The following ARHGEF26 variants were observed in gnomAD, a reference collection of about 807,000 sequenced individuals.
ARHGEF26 encodes Rho guanine nucleotide exchange factor (GEF) 26.
Under a neutral mutation model 89.4 loss-of-function variants are expected in ARHGEF26, and 59 were observed. The observed-to-expected ratio is 0.66, with a 90% confidence interval of 0.54 to 0.82. The LOEUF is 0.82. ARHGEF26 is among the 40% of genes least tolerant of loss of function. The probability of loss-of-function intolerance (pLI) is 0.00; values close to 1 mark genes in which losing one functional copy is unlikely to be tolerated. For missense variants in ARHGEF26, 1,234 were observed against 1,085.6 expected, an observed-to-expected ratio of 1.14 and a Z score of -1.92; for synonymous variants, 500 against 428.4, an observed-to-expected ratio of 1.17 and a Z score of -2.06.
chr3:154,194,530 G>A (rs555613333), intron 8 of ARHGEF26, 114 bp from the exon 9 acceptor site: 59 of 718,628 alleles, frequency 8.2e-5, no homozygotes, highest in South Asian at 8.0e-4. Flanking sequence ...ATACTCATCC[G>A]TAATATCGTG....
rs1718563537 is a variant in ARHGEF26, at chr3:154,256,976, C to CTAT, written c.*1505_*1507dup. On this transcript the variant is annotated 3_prime_UTR_variant, in exon 15 of 15. Coordinates refer to ENST00000465093, the MANE Select transcript of ARHGEF26 (RefSeq NM_015595.4). ...CTGGCAGCTATATTCCCTCTCTGTTCTATTTGCTTTAACAAAGGGATAAAA... is the reference window on the plus strand; with the variant it reads ...CTGGCAGCTATATTCCCTCTCTGTTCTATTATTTGCTTTAACAAAGGGATAAAA... 2 of 1,524,346 alleles carry CTAT rather than the reference C, an allele frequency of 1.3e-6. No individual in the cohort carries two copies. Among genetic ancestry groups the CTAT allele is most frequent in the Non-Finnish European group, 1.8e-6 (2 of 1,142,280 alleles). The allele number at this position is 1,524,346 out of a possible 1,614,324, so 94.4% of individuals were successfully genotyped here.
chr3:154,179,465 T>C (rs1713046823), intron 6 of ARHGEF26, among the ~76,000 whole-genome samples: 1 of 152,228 alleles, frequency 6.6e-6, no homozygotes, highest in African/African-American at 2.4e-5. Context: ...CCATTGCTGC[T>C]CCACAGTTGT....
intron 6 of ARHGEF26, among the ~76,000 whole-genome samples, chr3:154,175,646 TTTTTGTTTCAAAGACCAC>T (rs1308010136): frequency 1.3e-5 from 2 of 152,220 alleles, no homozygotes; most frequent in South Asian, 2.1e-4. Context: ...CTACAAATGA[TTTTTGTTTCAAAGACCAC>T]TTTTGTTTCA....
At chr3:154,242,835 C>A (rs1717552032) in intron 12 of ARHGEF26, among the ~76,000 whole-genome samples, 1 of 151,974 alleles carries the variant, frequency 6.6e-6, no homozygotes, top group Non-Finnish European at 1.5e-5. Context: ...AAAAAGGGAG[C>A]TTCATCTTCA....
intron 6 of ARHGEF26, among the ~76,000 whole-genome samples, chr3:154,176,812 A>C (rs1217440573): frequency 6.6e-6 from 1 of 152,124 alleles, no homozygotes; most frequent in African/African-American, 2.4e-5. Flanking sequence ...AAAAATACAT[A>C]TATATATCTT....
At chr3:154,198,124 G>A (rs757358349) in intron 9 of ARHGEF26, among the ~76,000 whole-genome samples, 8 of 151,962 alleles carry the variant, frequency 5.3e-5, no homozygotes, top group South Asian at 2.1e-4. Flanking sequence ...GCCAACAAAC[G>A]TGAAAAAATG....
At chr3:154,135,379 G>A (rs529624572) in intron 4 of ARHGEF26, among the ~76,000 whole-genome samples, 6 of 152,184 alleles carry the variant, frequency 3.9e-5, no homozygotes, top group South Asian at 4.1e-4. Flanking sequence ...TATTCATAAT[G>A]TTTTCTGATG....
intron 4 of ARHGEF26, among the ~76,000 whole-genome samples, chr3:154,140,553 C>T (rs1719297652): frequency 6.7e-6 from 1 of 150,334 alleles, no homozygotes; most frequent in Non-Finnish European, 1.5e-5. Context: ...TTGTCTTTTT[C>T]CTGAAAGCTC....
intron 6 of ARHGEF26, among the ~76,000 whole-genome samples, chr3:154,158,720 T>G (rs1711508675): frequency 6.6e-6 from 1 of 152,170 alleles, no homozygotes; most frequent in Non-Finnish European, 1.5e-5. Context: ...ATCTTTCAAT[T>G]AGAAATGAAT....
chr3:154,185,412 C>G (rs1241731251), intron 6 of ARHGEF26, among the ~76,000 whole-genome samples: 1 of 152,082 alleles, frequency 6.6e-6, no homozygotes, highest in Non-Finnish European at 1.5e-5. Context: ...CAATCCACCC[C>G]TATTTCAGGC....
intron 11 of ARHGEF26, among the ~76,000 whole-genome samples, chr3:154,240,066 C>A (rs973024489): frequency 2.6e-5 from 4 of 152,068 alleles, no homozygotes; most frequent in African/African-American, 9.7e-5. Context: ...TGGAGCATGA[C>A]CAAGATGCAT....
intron 9 of ARHGEF26, among the ~76,000 whole-genome samples, chr3:154,210,238 C>T (rs1226080684): frequency 6.6e-6 from 1 of 152,090 alleles, no homozygotes; most frequent in African/African-American, 2.4e-5. Flanking sequence ...GGTGTTCTAC[C>T]TTCCTGTGAC....
chr3:154,170,001 T>C (rs1358275090), intron 6 of ARHGEF26, among the ~76,000 whole-genome samples: 2 of 152,130 alleles, frequency 1.3e-5, no homozygotes, highest in African/African-American at 4.8e-5. Context: ...CAGTTCTAGC[T>C]ATGTTTTATT....
chr3:154,187,559 T>G, intron 6 of ARHGEF26, 126 bp from the exon 7 acceptor site: 1 of 665,784 alleles, frequency 1.5e-6, no homozygotes, highest in Non-Finnish European at 2.3e-6. Flanking sequence ...TTAAAAATAT[T>G]TTTTAGTTGG....
intron 6 of ARHGEF26, chr3:154,187,160 G>A: frequency 1.1e-6 from 1 of 927,252 alleles, no homozygotes; most frequent in Non-Finnish European, 1.3e-6. Flanking sequence ...AGAGTGCTGG[G>A]ATTACACATG....
At chr3:154,181,677 A>G (rs1185606427) in intron 6 of ARHGEF26, among the ~76,000 whole-genome samples, 2 of 152,140 alleles carry the variant, frequency 1.3e-5, no homozygotes, top group Admixed American at 1.3e-4. Context: ...GAAGAAACTC[A>G]GATTGGACTG....
intron 9 of ARHGEF26, among the ~76,000 whole-genome samples, chr3:154,204,894 T>A (rs1301963814): frequency 6.6e-6 from 1 of 152,220 alleles, no homozygotes; most frequent in Non-Finnish European, 1.5e-5. Context: ...TGATATTACT[T>A]CAGAATTTTT....
intron 9 of ARHGEF26, among the ~76,000 whole-genome samples, chr3:154,215,966 A>G (rs188182569): frequency 1.0e-3 from 156 of 152,322 alleles, no homozygotes; most frequent in Middle Eastern, 3.4e-3. Flanking sequence ...TTTCCAAAAA[A>G]GAAAAATTTC....
Position 154,189,833 on chromosome 3 carries a change from G to GTT in ARHGEF26, c.1641-1445_1641-1444dup, listed in dbSNP as rs11456094. Among the ~76,000 whole-genome samples the GTT allele has an allele frequency of 1.3e-4, 19 of 144,310 alleles. No individual in the cohort carries two copies. In the South Asian group the frequency reaches 1.3e-3, roughly 10 times the overall value. 94.7% of individuals were successfully genotyped at this position (144,310 alleles called of 152,430 possible). A position where few individuals can be genotyped will look rare whatever the true frequency, so the allele number is the denominator to read the frequency against. ...ATATACAACTAATTTAGAGGTTTTT[G>GTT]TTTTTTTTTTTTAACTTTCTAAAAA... On this transcript the variant is annotated intron_variant, in intron 7 of 14. Transcript: ENST00000465093.
Sources: gnomAD v4.1 joint callset for allele counts (sites outside exome capture counted in the v4.1 genomes callset) on GRCh38, gnomAD v4.1.1 for gene constraint, MANE v1.5 for transcripts, NCBI Gene and HGNC (gene_info 2026-07-23, HGNC 2026-07-21) for gene names.